TRIM37: variants seen among roughly 807,000 people sequenced by gnomAD.
TRIM37 encodes the protein E3 ubiquitin-protein ligase TRIM37.
A neutral mutation model predicts 129.8 loss-of-function variants in TRIM37; 80 were observed. The ratio of observed to expected loss-of-function variants is 0.62; its 90% CI spans 0.51 to 0.74. The LOEUF (loss-of-function observed/expected upper bound fraction) is 0.74. Ranked by LOEUF, TRIM37 falls within the 30% of genes least tolerant of loss-of-function variation. The pLI, the probability that TRIM37 is intolerant of heterozygous loss-of-function variation, is 0.00. For missense variants in TRIM37, 1,054 were observed against 1,176.5 expected, an observed-to-expected ratio of 0.90 and a Z score of 1.52; for synonymous variants, 389 against 387.1, an observed-to-expected ratio of 1.00 and a Z score of -0.06.
At chr17:59,098,620 G>A (rs1003060397) in intron 2 of TRIM37, among the ~76,000 whole-genome samples, 18 of 145,738 alleles carry the variant, frequency 1.2e-4, no homozygotes, top group African/African-American at 4.6e-4. Flanking sequence ...AGCCATGATT[G>A]TGTCACTGTG....
chr17:59,048,214 T>C (rs1490444796), intron 15 of TRIM37, among the ~76,000 whole-genome samples: 2 of 152,174 alleles, frequency 1.3e-5, no homozygotes, highest in Non-Finnish European at 2.9e-5. Flanking sequence ...TTCCCCAACT[T>C]TTCAGCTGCC....
At chr17:58,991,791 TG>T (rs1164656588) in intron 24 of TRIM37, among the ~76,000 whole-genome samples, 2 of 152,196 alleles carry the variant, frequency 1.3e-5, no homozygotes, top group African/African-American at 2.4e-5. Flanking sequence ...GAGATGCCAC[TG>T]GAACTCTCAT....
intron 5 of TRIM37, among the ~76,000 whole-genome samples, chr17:59,081,964 A>AAAAAAAAAAAAAAAATAATAAT (rs1568200247): frequency 1.1e-5 from 1 of 87,228 alleles, no homozygotes; most frequent in African/African-American, 5.1e-5. Context: ...AAAAAAAAAA[A>AAAAAAAAAAAAAAAATAATAAT]AATAATAATA....
chr17:58,970,858 G>A, the TRIM37 span, among the ~76,000 whole-genome samples: 4 of 152,068 alleles, frequency 2.6e-5, no homozygotes, highest in Non-Finnish European at 5.9e-5. Context: ...GACAAGGGCC[G>A]GCCCCTGAGA....
intron 20 of TRIM37, among the ~76,000 whole-genome samples, chr17:59,016,595 T>C (rs1251419556): frequency 1.2e-5 from 1 of 86,294 alleles, no homozygotes; most frequent in African/African-American, 4.8e-5. Flanking sequence ...AAACCCTGTC[T>C]CGGCAAAAAA....
chr17:59,035,503 C>G (rs1186876278), intron 17 of TRIM37, among the ~76,000 whole-genome samples: 1 of 151,696 alleles, frequency 6.6e-6, no homozygotes, highest in Non-Finnish European at 1.5e-5. Flanking sequence ...CCTGTAATCC[C>G]AGCACTTTCA....
chr17:59,068,428 T>C (rs79098177), intron 9 of TRIM37, among the ~76,000 whole-genome samples: 1 of 152,198 alleles, frequency 6.6e-6, no homozygotes, highest in Non-Finnish European at 1.5e-5. Flanking sequence ...ACACTTTGAA[T>C]TGAAAAATAC....
Position 59,081,184 on chromosome 17 carries a change from A to G in TRIM37, c.405T>C (p.Ile135=). Residue 135 remains isoleucine, a synonymous_variant, in exon 6 of 24, where the codon ATT becomes ATC. Coordinates refer to ENST00000262294, the MANE Select transcript of TRIM37 (RefSeq NM_015294.6). ...GGHTFKPLAE[I]YEQHVTKVNE... ...TCACTTTAGTGACGTGTTGCTCATA[A>G]ATTTCTGCCAAAGGTTTAAAGGTAT... The G allele has an allele frequency of 6.2e-7, 1 of 1,613,954 alleles. No homozygotes were observed. The highest frequency in any genetic ancestry group is 8.5e-7 in the Non-Finnish European group (1 of 1,179,930).
rs2043111568 is a variant in TRIM37, at chr17:59,079,782, CTG to C, written c.586_587del (p.Gln196AlafsTer4). 1.9e-6 allele frequency: 3 copies of C among 1,613,952 alleles called. No individual in the cohort carries two copies. In the African/African-American group the frequency reaches 4.0e-5, roughly 22 times the overall value. ...TCAGTGTTATAAGCTTATTCTTCAGCTGTGTGTCTAACCGTGCAATCATCATC... is the reference window on the plus strand; with the variant it reads ...TCAGTGTTATAAGCTTATTCTTCAGCTGTGTCTAACCGTGCAATCATCATC... ...VEMMIARLDT[Q>X]LKNKLITLMG... On this transcript the variant is annotated frameshift_variant, in exon 7 of 24. Coordinates refer to ENST00000262294, the MANE Select transcript of TRIM37 (RefSeq NM_015294.6). LOFTEE classifies it high-confidence loss of function.
chr17:59,083,432 C>T (rs1239383892), intron 5 of TRIM37, among the ~76,000 whole-genome samples: 1 of 144,862 alleles, frequency 6.9e-6, no homozygotes, highest in East Asian at 2.0e-4. Context: ...GAGCGAAATT[C>T]TCAAAAAAAA....
In TRIM37 at chr17:58,999,193, T is replaced by C. The variant is rs547357878; in HGVS notation, c.*184A>G. On this transcript the variant is annotated 3_prime_UTR_variant, in exon 24 of 24. Coordinates refer to ENST00000262294, the MANE Select transcript of TRIM37 (RefSeq NM_015294.6). ...AACTCTTCCCATACTGTTTTTCCCA[T>C]GTACTACTGCTGTCTTAGACTAAAC... is the stretch of plus-strand genomic sequence containing the variant. 34 of 1,456,008 alleles carry C rather than the reference T, an allele frequency of 2.3e-5. No individual in the cohort carries two copies. Among genetic ancestry groups the C allele is most frequent in the Admixed American group, 2.3e-4 (9 of 38,946 alleles). 90.2% of individuals were successfully genotyped at this position (1,456,008 alleles called of 1,614,324 possible).
At chr17:59,083,671 C>T (rs1050244572) in intron 5 of TRIM37, among the ~76,000 whole-genome samples, 1 of 152,082 alleles carries the variant, frequency 6.6e-6, no homozygotes, top group African/African-American at 2.4e-5. Flanking sequence ...TTTAAAGGAA[C>T]TAAAATTGGA....
At chr17:59,025,604 ACC>A (rs2145431812) in intron 19 of TRIM37, among the ~76,000 whole-genome samples, 2 of 152,222 alleles carry the variant, frequency 1.3e-5, no homozygotes, top group South Asian at 4.1e-4. Context: ...CTGAAGTCCC[ACC>A]GTAAGACCTG....
At chr17:58,983,743 TAA>T (rs1555626269) in intron 24 of TRIM37, 2 of 152,680 alleles carry the variant, frequency 1.3e-5, no homozygotes, top group Non-Finnish European at 2.9e-5. Flanking sequence ...ACTCAATCCT[TAA>T]AGAGTGGCAG....
the TRIM37 span, among the ~76,000 whole-genome samples, chr17:58,973,663 AAAAC>A: frequency 6.6e-6 from 1 of 151,796 alleles, no homozygotes. Flanking sequence ...AAAAACAAAA[AAAAC>A]AAAGGCCGGG....
intron 13 of TRIM37, among the ~76,000 whole-genome samples, chr17:59,055,090 A>C (rs1258098711): frequency 1.3e-5 from 2 of 152,016 alleles, no homozygotes; most frequent in Non-Finnish European, 2.9e-5. Context: ...TAATCCCAGC[A>C]CTATGGGAGG....
intron 2 of TRIM37, among the ~76,000 whole-genome samples, chr17:59,100,930 G>C (rs539155190): frequency 4.0e-5 from 6 of 151,440 alleles, no homozygotes; most frequent in Admixed American, 1.3e-4. Context: ...GCTGAGGCAG[G>C]AGAATCACTC....
chr17:59,076,039 G>T (rs1451335376), intron 7 of TRIM37, among the ~76,000 whole-genome samples: 1 of 152,180 alleles, frequency 6.6e-6, no homozygotes, highest in Non-Finnish European at 1.5e-5. Context: ...TTGGGAAGAA[G>T]CAATAACATG....
At chr17:59,102,940 T>C (rs1379858106) in intron 2 of TRIM37, among the ~76,000 whole-genome samples, 1 of 152,094 alleles carries the variant, frequency 6.6e-6, no homozygotes, top group Non-Finnish European at 1.5e-5. Context: ...TGGCACCATC[T>C]CTGCTCACTG....
Sources: gnomAD v4.1 joint callset for allele counts (sites outside exome capture counted in the v4.1 genomes callset) on GRCh38, gnomAD v4.1.1 for gene constraint, MANE v1.5 for transcripts, NCBI Gene and HGNC (gene_info 2026-07-23, HGNC 2026-07-21) for gene names.